APLF: variants seen among roughly 807,000 people sequenced by gnomAD.
APLF encodes aprataxin and PNK-like factor.
APLF carries 61 observed loss-of-function variants against 55.6 expected under a neutral mutation model. The observed-to-expected ratio is 1.10, with a 90% confidence interval of 0.89 to 1.36. APLF has a LOEUF of 1.36. APLF is among the 40% of genes most tolerant of loss of function. The probability of loss-of-function intolerance (pLI) is 0.00; values close to 1 mark genes in which losing one functional copy is unlikely to be tolerated. For synonymous variants in APLF, 207 were observed against 214.8 expected, an observed-to-expected ratio of 0.96 and a Z score of 0.32; for missense variants, 611 against 602.5, an observed-to-expected ratio of 1.01 and a Z score of -0.15.
chr2:68,502,981 A>G, intron 3 of APLF, 78 bp downstream of exon 3: 2 of 1,426,596 alleles, frequency 1.4e-6, no homozygotes, highest in Non-Finnish European at 1.9e-6. Context: ...TTCGGTAGGA[A>G]CCAGTAGAAA....
At chr2:68,486,174 A>G (rs1676168173) in intron 1 of APLF, among the ~76,000 whole-genome samples, 1 of 152,104 alleles carries the variant, frequency 6.6e-6, no homozygotes, top group African/African-American at 2.4e-5. Context: ...CCTCTGGCAC[A>G]AGAAGATATC....
At chr2:68,473,258 A>G (rs1675676030) in intron 1 of APLF, among the ~76,000 whole-genome samples, 1 of 152,196 alleles carries the variant, frequency 6.6e-6, no homozygotes, top group Non-Finnish European at 1.5e-5. Flanking sequence ...AGAATGTCAT[A>G]GAGTTGGAGT....
chr2:68,517,083 GT>G (rs1302044267), intron 5 of APLF, among the ~76,000 whole-genome samples: 2 of 121,360 alleles, frequency 1.6e-5, no homozygotes, highest in Non-Finnish European at 3.2e-5. Flanking sequence ...TATATAATAT[GT>G]TATTAATATA....
At chr2:68,571,005 G>C (rs1324747852) in intron 9 of APLF, among the ~76,000 whole-genome samples, 1 of 152,120 alleles carries the variant, frequency 6.6e-6, no homozygotes, top group Admixed American at 6.6e-5. Flanking sequence ...GTGTGAGATG[G>C]TATCTCATTG....
chr2:68,513,150 C>T lies in APLF; in HGVS notation c.412C>T (p.His138Tyr). The T allele has an allele frequency of 6.2e-7, 1 of 1,611,366 alleles. No homozygotes were observed. Among genetic ancestry groups the T allele is most frequent in the Non-Finnish European group, 8.5e-7 (1 of 1,178,316 alleles). Residue 138 changes from histidine (H) to tyrosine (Y), a missense_variant, in exon 4 of 10, where the codon CAT becomes TAT. His to Tyr is a moderately conservative substitution (Grantham distance 83, BLOSUM62 2). Transcript: ENST00000303795. ...TPKSPVINLP[H>Y]ETTGASQLEG... Reference sequence around the variant, plus strand: ...AAAATCCCCCGTGATTAATTTACCTCATGAGACTACTGGTGCCTCACAACT... The same window carrying T: ...AAAATCCCCCGTGATTAATTTACCTTATGAGACTACTGGTGCCTCACAACT...
chr2:68,467,771 C>A lies in APLF; in HGVS notation c.40C>A (p.Pro14Thr), dbSNP rs1675474018. 8.1e-7 allele frequency: 1 copy of A among 1,234,504 alleles called. No individual in the cohort carries two copies. Among genetic ancestry groups the A allele is most frequent in the Non-Finnish European group, 1.0e-6 (1 of 988,094 alleles). The allele number at this position is 1,234,504 out of a possible 1,614,324, so 76.5% of individuals were successfully genotyped here. A position where few individuals can be genotyped will look rare whatever the true frequency, so the allele number is the denominator to read the frequency against. The change falls in exon 1 of 10, where the codon CCC (proline) becomes ACC (threonine). Residue 14 changes from proline to threonine, a missense_variant. Physicochemically the swap from Pro to Thr is conservative, Grantham distance 38. Coordinates refer to ENST00000303795, the MANE Select transcript of APLF (RefSeq NM_173545.3). ...CGAGCTGCAGCCGCGGGACGGCGGT[C>A]CCCGGGTGGCCCTGGCGCCCGGGGA... ...GFELQPRDGG[P>T]RVALAPGETV...
intron 7 of APLF, among the ~76,000 whole-genome samples, chr2:68,544,544 G>A (rs750325800): frequency 2.0e-5 from 3 of 151,948 alleles, no homozygotes; most frequent in Admixed American, 6.6e-5. Flanking sequence ...AATATGTAAA[G>A]GGTTTATTAT....
intron 7 of APLF, among the ~76,000 whole-genome samples, chr2:68,543,981 CTTTT>C (rs71395974): frequency 5.4e-5 from 7 of 128,956 alleles, no homozygotes; most frequent in Admixed American, 7.7e-5. Context: ...ATTGTATTTT[CTTTT>C]TTTTTTTTTT....
chr2:68,563,718 G>A (rs920365610), intron 8 of APLF, among the ~76,000 whole-genome samples: 7 of 151,980 alleles, frequency 4.6e-5, no homozygotes, highest in African/African-American at 7.2e-5. Flanking sequence ...CATTTCTAAA[G>A]CAGCTTTTGA....
chr2:68,526,734 C>A (rs543268100), intron 6 of APLF, among the ~76,000 whole-genome samples: 1 of 152,288 alleles, frequency 6.6e-6, no homozygotes, highest in African/African-American at 2.4e-5. Flanking sequence ...TGTCACCAGG[C>A]TGGAGCGCAG....
intron 8 of APLF, among the ~76,000 whole-genome samples, chr2:68,549,776 G>T (rs1670806431): frequency 6.6e-6 from 1 of 152,054 alleles, no homozygotes; most frequent in Non-Finnish European, 1.5e-5. Flanking sequence ...TTATAGGTTT[G>T]TTTATTTCTC....
intron 1 of APLF, among the ~76,000 whole-genome samples, chr2:68,469,582 T>C (rs763776212): frequency 1.3e-5 from 2 of 152,230 alleles, no homozygotes; most frequent in African/African-American, 4.8e-5. Flanking sequence ...GAAGTGGTTA[T>C]GAATGACATC....
At chr2:68,491,424 T>G (rs1676355516) in intron 2 of APLF, among the ~76,000 whole-genome samples, 1 of 152,202 alleles carries the variant, frequency 6.6e-6, no homozygotes, top group African/African-American at 2.4e-5. Flanking sequence ...ATTTGTTGAA[T>G]GCATGAGTAA....
At chr2:68,556,838 A>G (rs984741370) in intron 8 of APLF, among the ~76,000 whole-genome samples, 18 of 152,174 alleles carry the variant, frequency 1.2e-4, no homozygotes, top group Admixed American at 6.6e-4. Context: ...GTCAGTTATC[A>G]ACTATAAGTG....
chr2:68,503,722 A>T (rs1454506440), intron 3 of APLF, among the ~76,000 whole-genome samples: 1 of 152,130 alleles, frequency 6.6e-6, no homozygotes, highest in African/African-American at 2.4e-5. Context: ...CTTAGGGGGA[A>T]GTTTATAGTC....
Position 68,557,889 on chromosome 2 carries a change from C to T in APLF, c.1287-9452C>T, listed in dbSNP as rs538234104. Among the ~76,000 whole-genome samples, 14 of 148,220 alleles carry T rather than the reference C, an allele frequency of 9.4e-5. No homozygotes were observed. In the South Asian group the frequency reaches 2.6e-3, roughly 27 times the overall value. On this transcript the variant is annotated intron_variant, in intron 8 of 9. Transcript: ENST00000303795. ...TCGCACCACTGCACTCCAGCCTGGGCGATAGAATGAGACTCCATCTGAAAA... is the reference window on the plus strand; with the variant it reads ...TCGCACCACTGCACTCCAGCCTGGGTGATAGAATGAGACTCCATCTGAAAA...
At chr2:68,533,811 A>C (rs1369483876) in intron 6 of APLF, among the ~76,000 whole-genome samples, 1 of 152,120 alleles carries the variant, frequency 6.6e-6, no homozygotes, top group Non-Finnish European at 1.5e-5. Context: ...CTGGAATTGT[A>C]ATTTTTGCTG....
intron 5 of APLF, among the ~76,000 whole-genome samples, chr2:68,517,770 G>C (rs1669668796): frequency 1.4e-5 from 2 of 142,408 alleles, no homozygotes; most frequent in South Asian, 4.5e-4. Flanking sequence ...ATATATAACA[G>C]TAATATATCA....
intron 5 of APLF, among the ~76,000 whole-genome samples, chr2:68,518,263 A>T (rs1373055399): frequency 8.5e-6 from 1 of 118,066 alleles, no homozygotes; most frequent in Admixed American, 9.9e-5. Flanking sequence ...TATTATGAAT[A>T]GATAATATAT....
Sources: gnomAD v4.1 joint callset for allele counts (sites outside exome capture counted in the v4.1 genomes callset) on GRCh38, gnomAD v4.1.1 for gene constraint, MANE v1.5 for transcripts, NCBI Gene and HGNC (gene_info 2026-07-23, HGNC 2026-07-21) for gene names.